The following BPTF variants were observed in gnomAD, a reference collection of about 807,000 sequenced individuals.
BPTF encodes bromodomain PHD finger transcription factor.
A neutral mutation model predicts 292.5 loss-of-function variants in BPTF; 18 were observed. That is an observed-to-expected ratio of 0.06 (90% confidence interval 0.04 to 0.09). BPTF has a LOEUF of 0.09. Ranked by LOEUF, BPTF falls within the 10% of genes least tolerant of loss-of-function variation. The probability of loss-of-function intolerance (pLI) is 1.00; values close to 1 mark genes in which losing one functional copy is unlikely to be tolerated. For synonymous variants in BPTF, 1,225 were observed against 1,251.9 expected, an observed-to-expected ratio of 0.98 and a Z score of 0.45; for missense variants, 2,726 against 3,498.7, an observed-to-expected ratio of 0.78 and a Z score of 5.57.
intron 1 of BPTF, among the ~76,000 whole-genome samples, chr17:67,850,295 C>A (rs191495222): frequency 1.3e-3 from 203 of 152,216 alleles, no homozygotes; most frequent in East Asian, 5.6e-3. Flanking sequence ...TGTATTCATC[C>A]GTAAGTAGTA....
At position 67,857,449 on chromosome 17, in the gene BPTF, C is replaced by T. The variant is rs112774543; in HGVS notation, c.1436+2687C>T. 8.9e-3 allele frequency among the ~76,000 whole-genome samples: 1,335 copies of T among 150,682 alleles called. 15 individuals are homozygous for T. The highest frequency in any genetic ancestry group is 0.012 in the Non-Finnish European group (780 of 67,610). On this transcript the variant is annotated intron_variant, in intron 2 of 27. Coordinates refer to ENST00000306378, the MANE Select transcript of BPTF (RefSeq NM_182641.4). ...TGCTGGGATTACAGGTGTGAGCCAC[C>T]GTGCCTGGACAGCAGATTTTTTTTT...
rs1555683064 is a variant in BPTF, at chr17:67,959,754, G to A, written c.8140G>A (p.Glu2714Lys). ...LPAASQKRKR[E>K]EEKDSSSKSK... Reference sequence around the variant, plus strand: ...TGCTGCTTCCCAGAAGAGGAAGCGGGAAGAGGAAAAAGACTCCAGCTCAAA... The same window carrying A: ...TGCTGCTTCCCAGAAGAGGAAGCGGAAAGAGGAAAAAGACTCCAGCTCAAA... Residue 2714 changes from glutamate (E) to lysine (K), a missense_variant, in exon 24 of 28, where the codon GAA becomes AAA. Glu to Lys is a moderately conservative substitution (Grantham distance 56). Transcript: ENST00000306378. The A allele has an allele frequency of 1.2e-6, 2 of 1,613,324 alleles. No homozygotes were observed. The highest frequency in any genetic ancestry group is 2.2e-5 in the East Asian group (1 of 44,778).
chr17:67,827,426 A>G (rs1226588644), intron 1 of BPTF, among the ~76,000 whole-genome samples: 1 of 152,174 alleles, frequency 6.6e-6, no homozygotes, highest in African/African-American at 2.4e-5. Flanking sequence ...GCCCCCCGCA[A>G]AAGGCTGCTT....
intron 3 of BPTF, among the ~76,000 whole-genome samples, chr17:67,873,231 G>A (rs2059855839): frequency 6.6e-6 from 1 of 152,142 alleles, no homozygotes; most frequent in Non-Finnish European, 1.5e-5. Context: ...GCTGAGGTGG[G>A]CGGATCACCT....
intron 27 of BPTF, among the ~76,000 whole-genome samples, chr17:67,979,960 G>A (rs1279350618): frequency 4.6e-5 from 7 of 152,064 alleles, no homozygotes; most frequent in Admixed American, 2.0e-4. Context: ...AGAATCACTT[G>A]AACCTTGGAG....
chr17:67,913,191 T>A lies in BPTF; in HGVS notation c.5303+4T>A. 1 of 1,569,266 alleles carries A rather than the reference T, an allele frequency of 6.4e-7. No homozygotes were observed. ...CGACCTTTGGCATCACTTGGAGGTA[T>A]GTACTTTAAAATGTATTTGGGGGAG... is the stretch of plus-strand genomic sequence containing the variant. On this transcript the variant is annotated splice_donor_region_variant and intron_variant, in intron 11 of 27. Transcript: ENST00000306378.
chr17:67,886,426 A>ATT (rs75360723), intron 4 of BPTF: 3 of 694,000 alleles, frequency 4.3e-6, no homozygotes, highest in Non-Finnish European at 6.4e-6. Flanking sequence ...TTAGTTTTTA[A>ATT]TTTTTTAAAT....
Position 67,981,696 on chromosome 17 carries a change from A to G in BPTF, c.8727-556A>G, listed in dbSNP as rs186470064. ...ATTTCAATATAAAGTCCTTTGACTT[A>G]GTCCTGGTAACTGTACAGTAATTTG... On this transcript the variant is annotated intron_variant, in intron 27 of 27. Transcript: ENST00000306378. The G allele has an allele frequency of 3.8e-4, 377 of 989,600 alleles. No individual in the cohort carries two copies. The Middle Eastern group carries it at 5.1e-3, about 13-fold the overall frequency. The allele number at this position is 989,600 out of a possible 1,614,324, so 61.3% of individuals were successfully genotyped here.
chr17:67,967,649 G>A (rs1293373414), intron 26 of BPTF, among the ~76,000 whole-genome samples: 7 of 151,738 alleles, frequency 4.6e-5, no homozygotes, highest in African/African-American at 1.2e-4. Context: ...GGCGAAATAC[G>A]TCTCTACAAA....
chr17:67,960,751 C>G (rs1322976303), intron 24 of BPTF, among the ~76,000 whole-genome samples: 3 of 152,166 alleles, frequency 2.0e-5, no homozygotes, highest in African/African-American at 7.2e-5. Flanking sequence ...TAATGCCTAC[C>G]TTAAGTGGAT....
Position 67,912,953 on chromosome 17 carries a change from T to A in BPTF, c.5069T>A (p.Leu1690Gln). 6.2e-7 allele frequency: 1 copy of A among 1,614,136 alleles called. No individual in the cohort carries two copies. Among genetic ancestry groups the A allele is most frequent in the South Asian group, 1.1e-5 (1 of 91,074 alleles). Residue 1690 changes from leucine (L) to glutamine (Q), a missense_variant, in exon 11 of 28, where the codon CTG becomes CAG. Transcript: ENST00000306378. ...KEYSTRDKVKLMKFSRPKKTR... is the reference protein window; with the variant it reads ...KEYSTRDKVKQMKFSRPKKTR... ...TATTCCACACGAGACAAAGTGAAACTGATGAAATTTTCAAGACCAAAGAAG... is the reference window on the plus strand; with the variant it reads ...TATTCCACACGAGACAAAGTGAAACAGATGAAATTTTCAAGACCAAAGAAG...
intron 24 of BPTF, 145 bp from the exon 25 acceptor site, chr17:67,964,067 G>A (rs2067772447): frequency 2.4e-6 from 2 of 823,000 alleles, no homozygotes; most frequent in Non-Finnish European, 3.7e-6. Flanking sequence ...TTAATGAACT[G>A]GAATGTCAAT....
At chr17:67,924,856 A>G (rs1001438718) in intron 15 of BPTF, among the ~76,000 whole-genome samples, 1 of 151,988 alleles carries the variant, frequency 6.6e-6, no homozygotes, top group African/African-American at 2.4e-5. Flanking sequence ...CCCTGGTTCA[A>G]GCGGTCCTCA....
chr17:67,948,320 T>C lies in BPTF; in HGVS notation c.7926+14T>C. 6.3e-7 allele frequency: 1 copy of C among 1,598,474 alleles called. No homozygotes were observed. Among genetic ancestry groups the C allele is most frequent in the Non-Finnish European group, 8.5e-7 (1 of 1,171,056 alleles). On this transcript the variant is annotated intron_variant, in intron 23 of 27. Coordinates refer to ENST00000306378, the MANE Select transcript of BPTF (RefSeq NM_182641.4). ...ATTGAAGTGCAGGTAAGAGGGCACA[T>C]CCTTTTCTTCTGTGTCCAGTGTTTA...
intron 23 of BPTF, among the ~76,000 whole-genome samples, chr17:67,959,016 T>C (rs2067215576): frequency 6.6e-6 from 1 of 152,236 alleles, no homozygotes; most frequent in Admixed American, 6.5e-5. Context: ...TATGTTGCAC[T>C]ACTCTCCCTG....
intron 5 of BPTF, among the ~76,000 whole-genome samples, chr17:67,892,634 A>G (rs1367364933): frequency 6.6e-6 from 1 of 152,252 alleles, no homozygotes; most frequent in Admixed American, 6.5e-5. Context: ...AGAATAAAGG[A>G]CATTCTTAAC....
chr17:67,978,924 C>G (rs2148662817), intron 27 of BPTF, among the ~76,000 whole-genome samples: 1 of 151,820 alleles, frequency 6.6e-6, no homozygotes, highest in Non-Finnish European at 1.5e-5. Context: ...TGCCTGTAAT[C>G]CCAACACATT....
At chr17:67,922,040 A>C (rs1301631451) in intron 13 of BPTF, among the ~76,000 whole-genome samples, 1 of 152,132 alleles carries the variant, frequency 6.6e-6, no homozygotes, top group Non-Finnish European at 1.5e-5. Flanking sequence ...CCAAAAAAAA[A>C]ACAAAATCAC....
chr17:67,970,920 A>G (rs1024867687), intron 26 of BPTF, among the ~76,000 whole-genome samples: 2 of 152,282 alleles, frequency 1.3e-5, no homozygotes, highest in South Asian at 4.1e-4. Context: ...TGTTCTAAGA[A>G]AACAGTCTCC....
Sources: gnomAD v4.1 joint callset for allele counts (sites outside exome capture counted in the v4.1 genomes callset) on GRCh38, gnomAD v4.1.1 for gene constraint, MANE v1.5 for transcripts, NCBI Gene and HGNC (gene_info 2026-07-23, HGNC 2026-07-21) for gene names.